PUDP: variants seen among roughly 807,000 people sequenced by gnomAD.
The protein encoded by PUDP is pseudouridine 5'-phosphatase.
In PUDP, 8 loss-of-function variants were observed where a neutral mutation model predicts 9.4. The observed-to-expected ratio is 0.85, with a 90% confidence interval of 0.50 to 1.53. The LOEUF is 1.53. Among genes scored for constraint, PUDP ranks in the 40% most tolerant of loss-of-function variants. The pLI is 0.00. For synonymous variants in PUDP, 99 were observed against 80.7 expected, an observed-to-expected ratio of 1.23 and a Z score of -1.22; for missense variants, 188 against 189.7, an observed-to-expected ratio of 0.99 and a Z score of 0.05.
At chrX:7,139,999 T>A (rs1175750585) in intron 1 of PUDP, among the ~76,000 whole-genome samples, 2 of 111,763 alleles carry the variant, frequency 1.8e-5, no homozygotes, top group Non-Finnish European at 3.8e-5. Flanking sequence ...TAAAGGAGGA[T>A]CAGGAAAGGT....
chrX:6,741,806 ATCTCTCTCTCTCTCTCTCTCTC>A (rs745363071), intron 3 of PUDP, among the ~76,000 whole-genome samples: 5,291 of 100,892 alleles, frequency 0.052, 170 homozygotes, highest in African/African-American at 0.088. Context: ...CTCTTTTTAA[ATCTCTCTCTCTCTCTCTCTCTC>A]TCTTTCTTTC....
chrX:6,995,829 T>C (rs1929242945), intron 1 of PUDP, among the ~76,000 whole-genome samples: 2 of 108,112 alleles, frequency 1.8e-5, no homozygotes, highest in African/African-American at 6.7e-5. Flanking sequence ...TTGGGTCTTA[T>C]AGCATCAGCC....
intron 1 of PUDP, among the ~76,000 whole-genome samples, chrX:7,130,103 C>T (rs1932581159): frequency 1.8e-5 from 2 of 111,482 alleles, no homozygotes; most frequent in Non-Finnish European, 3.8e-5. Flanking sequence ...TCTCCCTACC[C>T]CAGGAAGGAG....
intron 3 of PUDP, among the ~76,000 whole-genome samples, chrX:6,899,489 C>A (rs958480915): frequency 9.0e-6 from 1 of 111,561 alleles, no homozygotes; most frequent in Non-Finnish European, 1.9e-5. Context: ...ACAAGAACTG[C>A]TTGAACCCAG....
At chrX:6,783,273 C>G (rs1486448814) in intron 3 of PUDP, among the ~76,000 whole-genome samples, 4 of 111,843 alleles carry the variant, frequency 3.6e-5, no homozygotes, top group African/African-American at 1.3e-4. Context: ...GAGCACTTTT[C>G]CCCATGATCT....
chrX:6,963,273 G>T, intron 3 of PUDP, among the ~76,000 whole-genome samples: 1 of 111,853 alleles, frequency 8.9e-6, no homozygotes, highest in East Asian at 2.8e-4. Context: ...TTCCTGGGAG[G>T]ATGTGGTCAC....
chrX:7,006,384 A>C (rs967362673), intron 1 of PUDP, among the ~76,000 whole-genome samples: 7 of 112,049 alleles, frequency 6.2e-5, no homozygotes, highest in Admixed American at 5.7e-4. Flanking sequence ...TAGCCATTTA[A>C]ATTGGCATAA....
chrX:6,930,955 CAAA>C (rs775801816), intron 3 of PUDP, among the ~76,000 whole-genome samples: 1 of 85,919 alleles, frequency 1.2e-5, no homozygotes, highest in Non-Finnish European at 2.4e-5. Context: ...CATCCTTATA[CAAA>C]AAAAAAAAAA....
intron 3 of PUDP, among the ~76,000 whole-genome samples, chrX:6,731,083 T>A (rs1285187268): frequency 1.9e-5 from 2 of 105,703 alleles, no homozygotes; most frequent in African/African-American, 3.4e-5. Context: ...ATTTTATTTT[T>A]TTTAGACACA....
intron 3 of PUDP, among the ~76,000 whole-genome samples, chrX:6,954,060 G>C (rs1047450374): frequency 9.1e-6 from 1 of 110,029 alleles, no homozygotes; most frequent in Non-Finnish European, 1.9e-5. Context: ...CCATGTGAAG[G>C]ATGTGTTTTC....
At chrX:6,887,158 A>AATTTATTTATAATTAAATAT (rs1243486103) in intron 3 of PUDP, among the ~76,000 whole-genome samples, 3 of 102,656 alleles carry the variant, frequency 2.9e-5, no homozygotes, top group African/African-American at 1.0e-4. Context: ...TATTTAATTT[A>AATTTATTTATAATTAAATAT]ATTTATTTAT....
chrX:7,058,217 A>G, intron 3 of PUDP, among the ~76,000 whole-genome samples: 1 of 112,279 alleles, frequency 8.9e-6, no homozygotes, highest in Non-Finnish European at 1.9e-5. Context: ...GTCTGTTTTA[A>G]ATTATGTGCT....
chrX:7,002,396 G>T (rs1005031991), intron 1 of PUDP, among the ~76,000 whole-genome samples: 18 of 111,945 alleles, frequency 1.6e-4, no homozygotes, highest in African/African-American at 5.2e-4. Flanking sequence ...TCTAAAACTT[G>T]CTTCAAGACT....
At chrX:7,076,377 C>A (rs962981548) in intron 3 of PUDP, among the ~76,000 whole-genome samples, 1 of 111,771 alleles carries the variant, frequency 8.9e-6, no homozygotes, top group Non-Finnish European at 1.9e-5. Context: ...CCGACGGATG[C>A]CCTCCCCAGC....
intron 1 of PUDP, among the ~76,000 whole-genome samples, chrX:7,147,103 CTGG>C (rs1276073954): frequency 3.6e-5 from 4 of 111,061 alleles, no homozygotes; most frequent in African/African-American, 9.8e-5. Context: ...TTCCTCTTGG[CTGG>C]TGAAGTTCAC....
intron 3 of PUDP, among the ~76,000 whole-genome samples, chrX:6,929,070 G>A (rs1928150698): frequency 8.9e-6 from 1 of 112,003 alleles, no homozygotes; most frequent in Admixed American, 9.5e-5. Flanking sequence ...TACAGCACAC[G>A]CCAGAAACGA....
At chrX:7,117,648 C>G (rs1244170307) in intron 1 of PUDP, among the ~76,000 whole-genome samples, 3 of 112,770 alleles carry the variant, frequency 2.7e-5, no homozygotes, top group Non-Finnish European at 5.6e-5. Context: ...TGGCAGAGAA[C>G]GAAAAAGCTT....
At chrX:7,087,728 C>T (rs933757391) in intron 2 of PUDP, among the ~76,000 whole-genome samples, 4 of 112,257 alleles carry the variant, frequency 3.6e-5, no homozygotes, top group African/African-American at 1.3e-4. Context: ...TATAAACTAA[C>T]TCCTTTCAAA....
At chrX:7,130,933 T>C (rs1207400905) in intron 1 of PUDP, among the ~76,000 whole-genome samples, 2 of 112,070 alleles carry the variant, frequency 1.8e-5, no homozygotes, top group Non-Finnish European at 3.8e-5. Flanking sequence ...TTCTAGGTAC[T>C]GTAGCTGTTC....
Sources: allele counts gnomAD v4.1 joint callset (sites outside exome capture counted in the v4.1 genomes callset), GRCh38; gene constraint gnomAD v4.1.1; transcripts MANE v1.5; gene names NCBI Gene and HGNC (gene_info 2026-07-23, HGNC 2026-07-21).